APBA2: variants seen among roughly 807,000 people sequenced by gnomAD.
The protein encoded by APBA2 is amyloid-beta A4 precursor protein-binding family A member 2.
A neutral mutation model predicts 75.0 loss-of-function variants in APBA2; 30 were observed. The observed-to-expected ratio is 0.40, with a 90% CI of 0.30 to 0.54. The LOEUF is 0.54. Among genes scored for constraint, APBA2 ranks in the 20% least tolerant of loss-of-function variants. APBA2 has a pLI of 0.49. For missense variants in APBA2, 801 were observed against 1,016.1 expected (o/e 0.79, Z 2.88); for synonymous variants, 444 against 409.6 (o/e 1.08, Z -1.01).
chr15:29,091,022 T>A (rs1354419386), intron 6 of APBA2, among the ~76,000 whole-genome samples: 1 of 152,036 alleles, frequency 6.6e-6, no homozygotes, highest in African/African-American at 2.4e-5. Context: ...GATAGATGGG[T>A]CCTGTTCCCT....
In APBA2 at chr15:29,117,246, C is replaced by G. The variant is rs576929663; in HGVS notation, c.*113C>G. 6.0e-6 allele frequency: 6 copies of G among 1,002,630 alleles called. No homozygotes were observed. In the South Asian group the frequency reaches 7.8e-5, roughly 13 times the overall value. The allele number at this position is 1,002,630 out of a possible 1,614,324, so 62.1% of individuals were successfully genotyped here. On this transcript the variant is annotated 3_prime_UTR_variant, in exon 15 of 15. Transcript: ENST00000683413. ...CGACGCCACAGCCCAGCCACGGACG[C>G]TGGCTCCCCAAAGGGTGTGCCCTCA...
At chr15:29,071,875 T>G (rs768439267) in intron 4 of APBA2, among the ~76,000 whole-genome samples, 1 of 151,848 alleles carries the variant, frequency 6.6e-6, no homozygotes, top group East Asian at 2.0e-4. Context: ...GAGACAACCT[T>G]GTGTTGCCCG....
chr15:28,974,452 A>G (rs972706053), intron 2 of APBA2, among the ~76,000 whole-genome samples: 1 of 152,200 alleles, frequency 6.6e-6, no homozygotes, highest in Non-Finnish European at 1.5e-5. Context: ...CTCCAAATGT[A>G]CCAGACTTTG....
intron 2 of APBA2, among the ~76,000 whole-genome samples, chr15:28,951,138 C>G (rs1013507167): frequency 3.3e-5 from 5 of 152,108 alleles, no homozygotes; most frequent in Non-Finnish European, 5.9e-5. Context: ...TTAAACAATA[C>G]AGTATAACAA....
At chr15:29,113,765 G>C in intron 13 of APBA2, 111 bp from the exon 14 acceptor site, 1 of 1,386,188 alleles carries the variant, frequency 7.2e-7, no homozygotes, top group Non-Finnish European at 1.0e-6. Flanking sequence ...GCACGTGCAC[G>C]TATTCATCAT....
At chr15:29,023,646 G>C (rs2040069679) in intron 3 of APBA2, among the ~76,000 whole-genome samples, 2 of 151,510 alleles carry the variant, frequency 1.3e-5, no homozygotes. Context: ...AGTAGAGATG[G>C]AGTTTTGCCA....
intron 2 of APBA2, among the ~76,000 whole-genome samples, chr15:28,987,360 G>A (rs1470991528): frequency 6.6e-6 from 1 of 152,150 alleles, no homozygotes; most frequent in Non-Finnish European, 1.5e-5. Context: ...TAGTGGAGGG[G>A]AAAGATGTGA....
At chr15:29,070,014 A>G (rs913713748) in intron 4 of APBA2, among the ~76,000 whole-genome samples, 1 of 152,208 alleles carries the variant, frequency 6.6e-6, no homozygotes, top group Non-Finnish European at 1.5e-5. Context: ...CCAAGCACGG[A>G]GAATAAAGCC....
At chr15:29,090,838 C>T (rs533237487) in intron 6 of APBA2, among the ~76,000 whole-genome samples, 3 of 152,230 alleles carry the variant, frequency 2.0e-5, no homozygotes, top group East Asian at 3.9e-4. Context: ...CTACCTCAGG[C>T]GCTGGGAGCC....
At chr15:28,969,022 G>C (rs1373852224) in intron 2 of APBA2, among the ~76,000 whole-genome samples, 5 of 152,094 alleles carry the variant, frequency 3.3e-5, no homozygotes, top group African/African-American at 1.2e-4. Context: ...TGTAATGCCA[G>C]CACTCTCGGA....
chr15:29,113,588 A>G (rs2044864702), intron 13 of APBA2, among the ~76,000 whole-genome samples: 1 of 152,174 alleles, frequency 6.6e-6, no homozygotes, highest in Non-Finnish European at 1.5e-5. Context: ...ACCAGTCTCT[A>G]GCCTGACCAC....
rs1391770956 is a variant in APBA2 at position 29,007,273 on chromosome 15, A to T, written c.-41+11467A>T. Among the ~76,000 whole-genome samples the T allele has an allele frequency of 2.0e-5, 3 of 152,258 alleles. No homozygotes were observed. The East Asian group carries it at 5.8e-4, about 29-fold the overall frequency. ...CAAAGACCTGAACATAAGAGCTGAG[A>T]CCATAAAACTCAGAAGAAAACAGGT... On this transcript the variant is annotated intron_variant, in intron 3 of 14. Transcript: ENST00000683413.
intron 2 of APBA2, among the ~76,000 whole-genome samples, chr15:28,974,567 A>G (rs1002511387): frequency 1.3e-5 from 2 of 152,254 alleles, no homozygotes; most frequent in Non-Finnish European, 2.9e-5. Context: ...GTTCCGTAAC[A>G]GAAATAATAC....
rs142164837 is a variant in APBA2, at chr15:28,901,697, C to T, written c.-205+15419C>T. 3.1e-3 allele frequency among the ~76,000 whole-genome samples: 476 copies of T among 152,192 alleles called. 4 individuals carry two copies. Among genetic ancestry groups the T allele is most frequent in the African/African-American group, 0.011 (447 of 41,510 alleles). On this transcript the variant is annotated intron_variant, in intron 1 of 14. Coordinates refer to ENST00000683413, the MANE Select transcript of APBA2 (RefSeq NM_001353788.2). ...GTGGCCACACCCCTGACTGTTTTTG[C>T]CCTGGATGATTGATGTGGGAGCTGG...
At chr15:28,969,249 C>T (rs529423575) in intron 2 of APBA2, among the ~76,000 whole-genome samples, 1 of 151,392 alleles carries the variant, frequency 6.6e-6, no homozygotes, top group Non-Finnish European at 1.5e-5. Context: ...GGCACAATCT[C>T]GGCTCACTGC....
intron 2 of APBA2, among the ~76,000 whole-genome samples, chr15:28,928,476 G>T (rs2034395553): frequency 6.6e-6 from 1 of 152,098 alleles, no homozygotes; most frequent in South Asian, 2.1e-4. Flanking sequence ...TGTAGGGTGT[G>T]GGGAGGGCCA....
intron 3 of APBA2, among the ~76,000 whole-genome samples, chr15:29,050,152 G>T (rs2041526604): frequency 6.6e-6 from 1 of 152,156 alleles, no homozygotes; most frequent in African/African-American, 2.4e-5. Context: ...ATAGATTTTT[G>T]TACCAAGGTA....
chr15:29,089,212 G>A (rs565734885), intron 6 of APBA2, among the ~76,000 whole-genome samples: 3 of 152,352 alleles, frequency 2.0e-5, no homozygotes, highest in Admixed American at 2.0e-4. Context: ...AGTGGGTTCA[G>A]AAATGCTGAG....
At chr15:29,044,215 AT>A (rs922915067) in intron 3 of APBA2, 7 of 152,154 alleles carry the variant, frequency 4.6e-5, no homozygotes, top group Admixed American at 4.6e-4. Context: ...AGCTAATGCT[AT>A]TTTCCCGTGC....
Sources: allele counts gnomAD v4.1 joint callset (sites outside exome capture counted in the v4.1 genomes callset), GRCh38; gene constraint gnomAD v4.1.1; transcripts MANE v1.5; gene names NCBI Gene and HGNC (gene_info 2026-07-23, HGNC 2026-07-21).